The following C1orf21 variants were observed in gnomAD, a reference collection of about 807,000 sequenced individuals.
C1orf21 encodes the protein uncharacterized protein C1orf21.
C1orf21 carries 3 observed loss-of-function variants against 18.7 expected under a neutral mutation model. That is an observed-to-expected ratio of 0.16 (90% CI 0.07 to 0.42). C1orf21 has a LOEUF of 0.42. Ranked by LOEUF, C1orf21 falls within the 10% of genes least tolerant of loss-of-function variation. The pLI, the probability that C1orf21 is intolerant of heterozygous loss-of-function variation, is 0.99. For synonymous variants in C1orf21, 41 were observed against 46.4 expected, an observed-to-expected ratio of 0.88 and a Z score of 0.47; for missense variants, 104 against 143.6, an observed-to-expected ratio of 0.72 and a Z score of 1.41.
rs6669302 is a variant in C1orf21, at chr1:184,511,094, A to G, written c.189+3412A>G. ...GTGGTGGTGAGAGTAAGTAGTGAGCATAATGATATGTTGAAATCAGTAGGA... is the reference window on the plus strand; with the variant it reads ...GTGGTGGTGAGAGTAAGTAGTGAGCGTAATGATATGTTGAAATCAGTAGGA... On this transcript the variant is annotated intron_variant, in intron 3 of 5. Coordinates refer to ENST00000235307, the MANE Select transcript of C1orf21 (RefSeq NM_030806.4). Among the ~76,000 whole-genome samples the G allele has an allele frequency of 2.6e-3, 403 of 152,352 alleles. 1 individual carries two copies. The highest frequency in any genetic ancestry group is 9.2e-3 in the African/African-American group (384 of 41,586).
At chr1:184,407,082 C>T (rs1656260094) in intron 1 of C1orf21, among the ~76,000 whole-genome samples, 1 of 152,128 alleles carries the variant, frequency 6.6e-6, no homozygotes, top group South Asian at 2.1e-4. Flanking sequence ...GTGATCTTCC[C>T]ACCTTGCTTT....
intron 1 of C1orf21, among the ~76,000 whole-genome samples, chr1:184,444,392 CG>C: frequency 6.6e-6 from 1 of 152,200 alleles, no homozygotes; most frequent in Non-Finnish European, 1.5e-5. Flanking sequence ...GTAGTGAATA[CG>C]TCTCATGAGG....
intron 3 of C1orf21, among the ~76,000 whole-genome samples, chr1:184,582,568 T>G (rs931427120): frequency 1.3e-4 from 20 of 152,240 alleles, no homozygotes; most frequent in African/African-American, 4.8e-4. Flanking sequence ...CCCCTGAGAT[T>G]TCTCTGTAAG....
At chr1:184,482,793 A>G (rs1657676663) in intron 2 of C1orf21, among the ~76,000 whole-genome samples, 1 of 152,176 alleles carries the variant, frequency 6.6e-6, no homozygotes. Flanking sequence ...GCTTCTGAAG[A>G]CATCCTCAGG....
At chr1:184,609,171 G>T (rs1201790576) in intron 5 of C1orf21, among the ~76,000 whole-genome samples, 1 of 152,178 alleles carries the variant, frequency 6.6e-6, no homozygotes, top group Non-Finnish European at 1.5e-5. Context: ...ACAGTGAAGG[G>T]GCAAACCCAA....
At chr1:184,454,285 G>A (rs1380523763) in intron 1 of C1orf21, among the ~76,000 whole-genome samples, 1 of 152,154 alleles carries the variant, frequency 6.6e-6, no homozygotes, top group East Asian at 1.9e-4. Context: ...CAAGGTATAT[G>A]TAAATAGAAT....
chr1:184,616,518 AAAG>A (rs1187171114), intron 5 of C1orf21, among the ~76,000 whole-genome samples: 1 of 152,256 alleles, frequency 6.6e-6, no homozygotes. Flanking sequence ...CTGTGTTTAC[AAAG>A]AAGGTTTATA....
intron 3 of C1orf21, among the ~76,000 whole-genome samples, chr1:184,549,716 G>GT (rs1295748139): frequency 3.3e-5 from 5 of 151,744 alleles, no homozygotes; most frequent in Non-Finnish European, 7.4e-5. Context: ...CATTCCAGGT[G>GT]TTTTTTCTCT....
intron 1 of C1orf21, among the ~76,000 whole-genome samples, chr1:184,432,670 AAAAAGAAAAG>A (rs954497023): frequency 6.6e-6 from 1 of 152,104 alleles, no homozygotes; most frequent in South Asian, 2.1e-4. Flanking sequence ...AGTATTAAAA[AAAAAGAAAAG>A]AAAAAAAAAT....
intron 1 of C1orf21, among the ~76,000 whole-genome samples, chr1:184,406,855 C>T (rs979708476): frequency 2.6e-5 from 4 of 152,154 alleles, no homozygotes; most frequent in Non-Finnish European, 4.4e-5. Flanking sequence ...AGTATAGTGG[C>T]ATGATCACAG....
intron 3 of C1orf21, among the ~76,000 whole-genome samples, chr1:184,508,452 G>T (rs1019969393): frequency 2.6e-5 from 4 of 151,986 alleles, no homozygotes; most frequent in East Asian, 1.9e-4. Context: ...GAGTTAAAAA[G>T]GTATTTTTAA....
rs1656331558 is a variant in C1orf21, at chr1:184,410,653, ATATATATATATTTTTT to A, written c.-125+23287_-125+23302del. Among the ~76,000 whole-genome samples, 2 of 5,896 alleles carry A rather than the reference ATATATATATATTTTTT, an allele frequency of 3.4e-4. 1 individual carries two copies. Among genetic ancestry groups the A allele is most frequent in the African/African-American group, 5.0e-3 (2 of 400 alleles). The allele number at this position is 5,896 out of a possible 152,430, so 3.9% of individuals were successfully genotyped here. The stretch of plus-strand genomic sequence containing the variant: ...TATATATATATATATATATATATAT[ATATATATATATTTTTT>A]TTTTTTTTTTTTGAGATGGAGTTTC... On this transcript the variant is annotated intron_variant, in intron 1 of 5. Transcript: ENST00000235307.
chr1:184,614,524 C>T (rs55903773), intron 5 of C1orf21, among the ~76,000 whole-genome samples: 41,086 of 142,446 alleles, frequency 0.29, 5,895 homozygotes, highest in East Asian at 0.43. Flanking sequence ...CCCAACCTTT[C>T]TGGCACCAGG....
chr1:184,467,084 T>G (rs1302052130), intron 1 of C1orf21, among the ~76,000 whole-genome samples: 1 of 152,208 alleles, frequency 6.6e-6, no homozygotes, highest in East Asian at 1.9e-4. Context: ...CATTTTTAAA[T>G]TTAGTTATTG....
chr1:184,402,382 T>C (rs1391530412), intron 1 of C1orf21, among the ~76,000 whole-genome samples: 1 of 152,148 alleles, frequency 6.6e-6, no homozygotes, highest in East Asian at 1.9e-4. Flanking sequence ...AAGTCCATCT[T>C]TGGCTAGGCA....
chr1:184,599,531 G>A (rs1160827483), intron 5 of C1orf21: 1 of 152,158 alleles, frequency 6.6e-6, no homozygotes, highest in African/African-American at 2.4e-5. Flanking sequence ...AATAGAGATG[G>A]ATAATGAATT....
intron 3 of C1orf21, among the ~76,000 whole-genome samples, chr1:184,513,707 T>C (rs1213108152): frequency 6.6e-6 from 1 of 152,236 alleles, no homozygotes; most frequent in Admixed American, 6.5e-5. Context: ...TGAATGCCAT[T>C]GTAATTATGT....
rs1659981439 is a variant in C1orf21 at position 184,624,913 on chromosome 1, T to C, written c.*5357T>C. 6.6e-6 allele frequency: 1 copy of C among 152,196 alleles called. No individual in the cohort carries two copies. The highest frequency in any genetic ancestry group is 2.4e-5 in the African/African-American group (1 of 41,452). The allele number at this position is 152,196 out of a possible 1,614,324, so 9.4% of individuals were successfully genotyped here. ...AGACGGGACCCGCTCCCACCTTTAC[T>C]TACTTTGCTCGAAGGAACCAAAACA... On this transcript the variant is annotated 3_prime_UTR_variant, in exon 6 of 6. Coordinates refer to ENST00000235307, the MANE Select transcript of C1orf21 (RefSeq NM_030806.4).
At chr1:184,468,419 G>C (rs1032759400) in intron 1 of C1orf21, among the ~76,000 whole-genome samples, 6 of 152,086 alleles carry the variant, frequency 3.9e-5, no homozygotes, top group Non-Finnish European at 8.8e-5. Flanking sequence ...AAAGGAGGAA[G>C]GTGGTTATTT....
Sources: gnomAD v4.1 joint callset for allele counts (sites outside exome capture counted in the v4.1 genomes callset) on GRCh38, gnomAD v4.1.1 for gene constraint, MANE v1.5 for transcripts, NCBI Gene and HGNC (gene_info 2026-07-23, HGNC 2026-07-21) for gene names.